The following UBE3A variants were observed in gnomAD, a reference collection of about 807,000 sequenced individuals.
UBE3A encodes ubiquitin-protein ligase E3A.
Under a neutral mutation model 83.4 loss-of-function variants are expected in UBE3A, and 6 were observed. The observed-to-expected ratio is 0.07, with a 90% CI of 0.04 to 0.14. The LOEUF (loss-of-function observed/expected upper bound fraction) is 0.14, where lower values mean the gene tolerates loss of function less well. UBE3A is among the 10% of genes least tolerant of loss of function. The pLI is 1.00. For synonymous variants in UBE3A, 337 were observed against 355.4 expected, an observed-to-expected ratio of 0.95 and a Z score of 0.58; for missense variants, 456 against 1,036.1, an observed-to-expected ratio of 0.44 and a Z score of 7.69.
At chr15:25,389,787 C>G (rs1010967966) in intron 4 of UBE3A, among the ~76,000 whole-genome samples, 5 of 152,104 alleles carry the variant, frequency 3.3e-5, no homozygotes, top group African/African-American at 1.2e-4. Context: ...ACTCGGGAGG[C>G]TGACGCAGGA....
At chr15:25,421,160 A>G (rs1889628297) in intron 1 of UBE3A, among the ~76,000 whole-genome samples, 2 of 152,180 alleles carry the variant, frequency 1.3e-5, no homozygotes, top group Admixed American at 1.3e-4. Flanking sequence ...CTTGGGATAC[A>G]GAGTGAGTTC....
chr15:25,348,684 G>A (rs888223885), intron 11 of UBE3A, among the ~76,000 whole-genome samples: 5 of 152,012 alleles, frequency 3.3e-5, no homozygotes, highest in Non-Finnish European at 7.4e-5. Context: ...TAATAAACAA[G>A]TGAAAAGCAG....
intron 4 of UBE3A, among the ~76,000 whole-genome samples, chr15:25,398,778 TA>T (rs1365079067): frequency 3.1e-4 from 7 of 22,324 alleles, no homozygotes; most frequent in Admixed American, 2.5e-3. Flanking sequence ...TATTTATATA[TA>T]TATATATATA....
chr15:25,415,540 C>T (rs377698792), intron 1 of UBE3A, among the ~76,000 whole-genome samples: 1 of 152,122 alleles, frequency 6.6e-6, no homozygotes, highest in Non-Finnish European at 1.5e-5. Flanking sequence ...TAACCTCTAT[C>T]CCCCACCCAC....
chr15:25,414,496 G>C (rs1256801161), intron 1 of UBE3A, among the ~76,000 whole-genome samples: 1 of 152,044 alleles, frequency 6.6e-6, no homozygotes, highest in Non-Finnish European at 1.5e-5. Context: ...AGAGATACAG[G>C]GGGTGTTAAG....
chr15:25,340,335 G>A (rs1010152582), intron 11 of UBE3A, 107 bp from the exon 12 acceptor site: 4 of 1,332,498 alleles, frequency 3.0e-6, no homozygotes, highest in Non-Finnish European at 4.2e-6. Context: ...CAACTTGGAA[G>A]TTAATTATCA....
rs1159725495 is a variant in UBE3A, at chr15:25,356,697, A to G, written c.1953T>C (p.Ser651=). 2.5e-6 allele frequency: 4 copies of G among 1,612,604 alleles called. No homozygotes were observed. Among genetic ancestry groups the G allele is most frequent in the East Asian group, 2.2e-5 (1 of 44,780 alleles). The change falls in exon 8 of 13, where the codon TCT becomes TCC. Residue 651 remains serine (S), a synonymous_variant. Transcript: ENST00000648336. ...AAAATGACAAAGAACTTACTGGGTGAGAGTCTCCCAAGTCACGAAAAGTTC... is the reference window on the plus strand; with the variant it reads ...AAAATGACAAAGAACTTACTGGGTGGGAGTCTCCCAAGTCACGAAAAGTTC... ...KKGTFRDLGD[S]HPVLYQSLKD...
chr15:25,379,691 C>T (rs1035240275), intron 4 of UBE3A, among the ~76,000 whole-genome samples: 2 of 152,094 alleles, frequency 1.3e-5, no homozygotes, highest in African/African-American at 4.8e-5. Context: ...CTAATAACGA[C>T]TTTTTGGTAT....
At chr15:25,404,687 T>C (rs2088025715) in intron 4 of UBE3A, among the ~76,000 whole-genome samples, 1 of 152,226 alleles carries the variant, frequency 6.6e-6, no homozygotes, top group Non-Finnish European at 1.5e-5. Context: ...ACAAACTTAC[T>C]ATCTACCTAC....
chr15:25,436,673 T>C (rs777995078), intron 1 of UBE3A, among the ~76,000 whole-genome samples: 1 of 152,156 alleles, frequency 6.6e-6, no homozygotes, highest in Non-Finnish European at 1.5e-5. Context: ...TCCTGTTAAA[T>C]GGACTGCACA....
chr15:25,375,627 T>C lies in UBE3A; in HGVS notation c.199A>G (p.Ile67Val), dbSNP rs587783146. ...FLRMDNNAAA[I>V]KALELYKINA... is the part of the protein sequence containing the mutation. ...ATCTTATAAAGCTCGAGGGCTTTAA[T>C]AGCTGCTGCATTATTATCCATACGA... The change falls in exon 5 of 13, where the codon ATT (isoleucine) becomes GTT (valine). Residue 67 changes from isoleucine to valine, a missense_variant. Ile to Val is a conservative substitution (Grantham distance 29). This residue lies in a region of UBE3A where 20 missense variants were observed against 50.4 expected (regional missense o/e 0.40). Coordinates refer to ENST00000648336, the MANE Select transcript of UBE3A (RefSeq NM_130839.5). 2 of 1,614,192 alleles carry C rather than the reference T, an allele frequency of 1.2e-6. No individual in the cohort carries two copies. Among genetic ancestry groups the C allele is most frequent in the East Asian group, 2.2e-5 (1 of 44,878 alleles).
chr15:25,373,936 C>A (rs933831773), intron 5 of UBE3A: 1 of 152,118 alleles, frequency 6.6e-6, no homozygotes, highest in African/African-American at 2.4e-5. Context: ...ATAAATGTGT[C>A]CCTGAAAATA....
chr15:25,375,275 C>T, intron 5 of UBE3A, 190 bp downstream of exon 5: 1 of 647,486 alleles, frequency 1.5e-6, no homozygotes, highest in South Asian at 2.1e-5. Flanking sequence ...ATATGATCTG[C>T]TTCTAATTAG....
chr15:25,346,451 T>C (rs992443838), intron 11 of UBE3A: 1 of 151,950 alleles, frequency 6.6e-6, no homozygotes, highest in Non-Finnish European at 1.5e-5. Context: ...GTACAGAGTC[T>C]CCTGATATAA....
chr15:25,356,032 A>T lies in UBE3A; in HGVS notation c.1984T>A (p.Leu662Ile), dbSNP rs776898798. Residue 662 changes from leucine (L) to isoleucine (I), a missense_variant, in exon 9 of 13, where the codon TTA becomes ATA. Around this residue, in one of 13 missense-constraint regions of UBE3A, gnomAD observed 82 missense variants for 199.3 expected, o/e 0.41. Transcript: ENST00000648336. ...TCCACATTCCCTTCATACTCCAATA[A>T]ATCTTTTAAACTCTGATATAGAACC... ...HPVLYQSLKDLLEYEGNVEDD... is the reference protein window; with the variant it reads ...HPVLYQSLKDILEYEGNVEDD... The T allele has an allele frequency of 6.2e-7, 1 of 1,613,688 alleles. No homozygotes were observed.
intron 7 of UBE3A, 131 bp downstream of exon 7, chr15:25,360,252 G>T: frequency 8.5e-7 from 1 of 1,175,674 alleles, no homozygotes; most frequent in Non-Finnish European, 1.2e-6. Context: ...CATGATGTGT[G>T]ATTCTGGGTA....
intron 4 of UBE3A, among the ~76,000 whole-genome samples, chr15:25,401,376 C>G (rs938586138): frequency 6.6e-6 from 1 of 152,110 alleles, no homozygotes; most frequent in African/African-American, 2.4e-5. Flanking sequence ...TGAGAACAAT[C>G]TGTACTAGTT....
Position 25,371,742 on chromosome 15 carries a change from G to C in UBE3A, c.432C>G (p.Ser144=). The change falls in exon 6 of 13, where the codon TCC becomes TCG. Residue 144 remains serine, a synonymous_variant. Coordinates refer to ENST00000648336, the MANE Select transcript of UBE3A (RefSeq NM_130839.5). This position sits in a 1 kb window ranked among gnomAD's most constrained non-coding sequence, Gnocchi z 5.3. ...CTCTTCCAATAACACGGATTAAAGG[G>C]GAATAATCCTCTCTTTCTCTACATA... ...LELCREREDY[S]PLIRVIGRVF... The C allele has an allele frequency of 6.2e-7, 1 of 1,613,674 alleles. No homozygotes were observed. Among genetic ancestry groups the C allele is most frequent in the South Asian group, 1.1e-5 (1 of 91,064 alleles).
chr15:25,365,076 C>T (rs1361345890), intron 6 of UBE3A, among the ~76,000 whole-genome samples: 4 of 152,104 alleles, frequency 2.6e-5, no homozygotes, highest in Admixed American at 1.3e-4. Context: ...CTCTTCACTG[C>T]GTAACTTCCT....
Sources: allele counts gnomAD v4.1 joint callset (sites outside exome capture counted in the v4.1 genomes callset), GRCh38; gene constraint gnomAD v4.1.1; regional missense constraint gnomAD v4.1.1; non-coding constraint Gnocchi (gnomAD v3.1); transcripts MANE v1.5; gene names NCBI Gene and HGNC (gene_info 2026-07-23, HGNC 2026-07-21).